PRH1: variants seen among roughly 807,000 people sequenced by gnomAD.
The protein encoded by PRH1 is salivary acidic proline-rich phosphoprotein 1/2.
In PRH1, 7 loss-of-function variants were observed where a neutral mutation model predicts 7.9. The ratio of observed to expected loss-of-function variants is 0.89; its 90% CI spans 0.50 to 1.67. The LOEUF (loss-of-function observed/expected upper bound fraction) is 1.67. PRH1 is among the 40% of genes most tolerant of loss of function. The pLI, the probability that PRH1 is intolerant of heterozygous loss-of-function variation, is 0.00. For synonymous variants in PRH1, 45 were observed against 80.8 expected (o/e 0.56, Z 2.38); for missense variants, 109 against 223.6 (o/e 0.49, Z 3.27).
intron 1 of PRH1, among the ~76,000 whole-genome samples, chr12:11,136,632 C>T (rs1159399400): frequency 1.3e-5 from 2 of 152,016 alleles, no homozygotes; most frequent in African/African-American, 4.8e-5. Flanking sequence ...ACCCTCAAGA[C>T]ATTATTATTT....
At position 11,089,820 on chromosome 12, in the gene PRH1, A is replaced by G. The variant is rs1407801254; in HGVS notation, n.124-42632T>C. On this transcript the variant is annotated intron_variant and non_coding_transcript_variant, in intron 1 of 4. Coordinates refer to the PRH1 transcript ENST00000541977. ...TTGTAATAGGTGCCATCTAATTTTG[A>G]TGTTCTACCTTGTCTCCAACTCAGA... 6.9e-5 allele frequency among the ~76,000 whole-genome samples: 8 copies of G among 115,952 alleles called. 2 individuals are homozygous for G. Among genetic ancestry groups the G allele is most frequent in the Admixed American group, 5.2e-4 (6 of 11,618 alleles). 76.1% of individuals were successfully genotyped at this position (115,952 alleles called of 152,430 possible). A position where few individuals can be genotyped will look rare whatever the true frequency, so the allele number is the denominator to read the frequency against.
At chr12:10,960,519 A>T (rs1938189091) in intron 2 of PRH1, among the ~76,000 whole-genome samples, 1 of 149,660 alleles carries the variant, frequency 6.7e-6, no homozygotes, top group East Asian at 2.0e-4. Flanking sequence ...AATGTTTTTA[A>T]ATCTACACCC....
chr12:10,904,452 T>C (rs566473875), intron 2 of PRH1, among the ~76,000 whole-genome samples: 31 of 152,290 alleles, frequency 2.0e-4, no homozygotes, highest in Non-Finnish European at 3.7e-4. Flanking sequence ...CAGTAAATGG[T>C]GCTGGGATAT....
Position 10,935,077 on chromosome 12 carries a change from T to C in PRH1, c.-59+38578A>G, listed in dbSNP as rs527635861. 1.0e-3 allele frequency among the ~76,000 whole-genome samples: 156 copies of C among 152,288 alleles called. 1 individual carries two copies. The highest frequency in any genetic ancestry group is 9.3e-4 in the Non-Finnish European group (63 of 68,022). The stretch of plus-strand genomic sequence containing the variant: ...CTCTTATAATTCAAAGCATTGAAAT[T>C]TACTGAATGAATCCAGAGGAGCCAT... On this transcript the variant is annotated intron_variant, in intron 2 of 3. Coordinates refer to the PRH1 transcript ENST00000539853.
chr12:11,006,520 C>T (rs889233184), intron 1 of PRH1, among the ~76,000 whole-genome samples: 1 of 151,816 alleles, frequency 6.6e-6, no homozygotes, highest in Admixed American at 6.6e-5. Context: ...GTAACTGGAA[C>T]TACAGGCATG....
chr12:11,042,162 T>C (rs894684712), intron 1 of PRH1, among the ~76,000 whole-genome samples: 1 of 151,140 alleles, frequency 6.6e-6, no homozygotes, highest in African/African-American at 2.4e-5. Flanking sequence ...AAGAAAACAA[T>C]ACAAAAGATC....
chr12:10,915,522 G>T lies in PRH1; in HGVS notation c.-58-31247C>A, dbSNP rs1036654534. The stretch of plus-strand genomic sequence containing the variant: ...AAAAAATTGTGCTTCTGAAAGAAAT[G>T]CCAACCCAAACTAGGTCACACGTGT... On this transcript the variant is annotated intron_variant, in intron 2 of 3. Transcript: ENST00000539853. 4.2e-5 allele frequency among the ~76,000 whole-genome samples: 2 copies of T among 47,532 alleles called. 1 individual carries two copies. The highest frequency in any genetic ancestry group is 1.4e-4 in the Non-Finnish European group (2 of 13,912). The allele number at this position is 47,532 out of a possible 152,430, so 31.2% of individuals were successfully genotyped here. A position where few individuals can be genotyped will look rare whatever the true frequency, so the allele number is the denominator to read the frequency against.
chr12:10,966,983 C>T (rs1279473771), intron 2 of PRH1, among the ~76,000 whole-genome samples: 5 of 151,920 alleles, frequency 3.3e-5, no homozygotes, highest in African/African-American at 4.8e-5. Flanking sequence ...GGCCTGGTGG[C>T]GGGCACCTGT....
At position 10,906,976 on chromosome 12, in the gene PRH1, G is replaced by A. The variant is rs534171334; in HGVS notation, c.-58-22701C>T. On this transcript the variant is annotated intron_variant, in intron 2 of 3. Transcript: ENST00000539853. ...AAAGAGGTTGTATGAATGACCCAAA[G>A]CATATGAAAAAATCATCAGCCTCAC... is the stretch of plus-strand genomic sequence containing the variant. Among the ~76,000 whole-genome samples the A allele has an allele frequency of 6.6e-5, 10 of 152,236 alleles. No individual in the cohort carries two copies. In the East Asian group the frequency reaches 1.9e-3, roughly 29 times the overall value.
At chr12:11,083,481 CATTT>C (rs1389931720) in intron 1 of PRH1, among the ~76,000 whole-genome samples, 6 of 55,524 alleles carry the variant, frequency 1.1e-4, no homozygotes, top group Admixed American at 1.7e-4. Context: ...TACATTCATT[CATTT>C]AGTGTATGTT....
At position 11,094,470 on chromosome 12, in the gene PRH1, G is replaced by C. The variant is rs1345238615; in HGVS notation, n.124-47282C>G. Among the ~76,000 whole-genome samples, 5 of 113,784 alleles carry C rather than the reference G, an allele frequency of 4.4e-5. 1 individual carries two copies. Among genetic ancestry groups the C allele is most frequent in the African/African-American group, 1.5e-4 (5 of 33,874 alleles). 74.6% of individuals were successfully genotyped at this position (113,784 alleles called of 152,430 possible). A position where few individuals can be genotyped will look rare whatever the true frequency, so the allele number is the denominator to read the frequency against. On this transcript the variant is annotated intron_variant and non_coding_transcript_variant, in intron 1 of 4. Transcript: ENST00000541977. Reference sequence around the variant, plus strand: ...CATCCTTGTTGTGTCAGGAATTCAGGAGCCAAAAGAAAAAATAGATGGGGA... The same window carrying C: ...CATCCTTGTTGTGTCAGGAATTCAGCAGCCAAAAGAAAAAATAGATGGGGA...
At chr12:10,957,750 T>G (rs867411355) in intron 2 of PRH1, among the ~76,000 whole-genome samples, 29 of 152,046 alleles carry the variant, frequency 1.9e-4, no homozygotes, top group Admixed American at 3.3e-4. Flanking sequence ...AAAAATTTGA[T>G]AAAGGACATG....
intron 2 of PRH1, chr12:10,939,293 C>G: frequency 1.4e-6 from 1 of 737,576 alleles, no homozygotes; most frequent in South Asian, 2.3e-5. Flanking sequence ...ATATCTGATT[C>G]TTGAAAATTC....
intron 1 of PRH1, among the ~76,000 whole-genome samples, chr12:11,032,814 G>A (rs1190109929): frequency 2.0e-5 from 3 of 152,124 alleles, no homozygotes; most frequent in Non-Finnish European, 4.4e-5. Context: ...TGACTACCTT[G>A]CCCCTGAACT....
intron 1 of PRH1, among the ~76,000 whole-genome samples, chr12:11,114,243 C>T (rs368508638): frequency 1.2e-4 from 19 of 152,080 alleles, no homozygotes; most frequent in African/African-American, 4.6e-4. Context: ...GAGCAAAGAC[C>T]TGGGACCAAC....
chr12:11,139,000 T>G (rs550780144), intron 1 of PRH1, among the ~76,000 whole-genome samples: 1 of 152,274 alleles, frequency 6.6e-6, no homozygotes, highest in South Asian at 2.1e-4. Flanking sequence ...CGATTGCACT[T>G]GTGCACTCCA....
intron 1 of PRH1, among the ~76,000 whole-genome samples, chr12:10,981,802 A>G (rs1337469563): frequency 6.6e-6 from 1 of 151,700 alleles, no homozygotes; most frequent in Admixed American, 6.6e-5. Context: ...GGCTAAAGCA[A>G]TCCTCCTGCC....
intron 1 of PRH1, among the ~76,000 whole-genome samples, chr12:11,026,865 T>C (rs1941941568): frequency 6.6e-6 from 1 of 152,242 alleles, no homozygotes; most frequent in Non-Finnish European, 1.5e-5. Flanking sequence ...ATCAAAACAA[T>C]TTGCCTTGTA....
chr12:11,023,024 G>T (rs1284603936), intron 1 of PRH1, among the ~76,000 whole-genome samples: 2 of 152,118 alleles, frequency 1.3e-5, no homozygotes, highest in Non-Finnish European at 2.9e-5. Flanking sequence ...TATAGTAAAT[G>T]TCTAAATTGT....
Sources: allele counts gnomAD v4.1 joint callset (sites outside exome capture counted in the v4.1 genomes callset), GRCh38; gene constraint gnomAD v4.1.1; transcripts MANE v1.5; gene names NCBI Gene and HGNC (gene_info 2026-07-23, HGNC 2026-07-21).